CEP350: variants seen among roughly 807,000 people sequenced by gnomAD.
The protein encoded by CEP350 is centrosome-associated protein 350.
A neutral mutation model predicts 331.8 loss-of-function variants in CEP350; 126 were observed. The observed-to-expected ratio is 0.38, with a 90% CI of 0.33 to 0.44. CEP350 has a LOEUF of 0.44. Among genes scored for constraint, CEP350 ranks in the 20% least tolerant of loss-of-function variants. CEP350 has a pLI of 1.00. For synonymous variants in CEP350, 1,200 were observed against 1,259.5 expected, an observed-to-expected ratio of 0.95 and a Z score of 1.00; for missense variants, 3,406 against 3,634.6, an observed-to-expected ratio of 0.94 and a Z score of 1.62.
intron 1 of CEP350, among the ~76,000 whole-genome samples, chr1:179,967,825 A>G (rs562531736): frequency 6.6e-6 from 1 of 152,242 alleles, no homozygotes; most frequent in African/African-American, 2.4e-5. Flanking sequence ...ATGCACACGT[A>G]TACTTATTTT....
chr1:180,035,794 T>C (rs1257617104), intron 16 of CEP350, among the ~76,000 whole-genome samples: 1 of 152,222 alleles, frequency 6.6e-6, no homozygotes, highest in African/African-American at 2.4e-5. Flanking sequence ...AGATTAATGT[T>C]TTTATGTCCC....
intron 21 of CEP350, among the ~76,000 whole-genome samples, chr1:180,048,200 G>A (rs1482537108): frequency 6.6e-6 from 1 of 152,146 alleles, no homozygotes; most frequent in Non-Finnish European, 1.5e-5. Context: ...AAATCGTGAT[G>A]TTAATGAAAA....
chr1:180,005,047 C>T (rs1237385904), intron 7 of CEP350, among the ~76,000 whole-genome samples: 1 of 149,172 alleles, frequency 6.7e-6, no homozygotes, highest in Non-Finnish European at 1.5e-5. Flanking sequence ...CTCTCCAATC[C>T]CCCTCCCTCT....
In CEP350 at chr1:180,096,055, A is replaced by G. The variant is rs1444321358; in HGVS notation, c.8937A>G (p.Thr2979=). The G allele has an allele frequency of 6.4e-7, 1 of 1,552,648 alleles. No homozygotes were observed. The highest frequency in any genetic ancestry group is 1.4e-5 in the African/African-American group (1 of 73,136). ...CTATCAAGGCGGTTTTTGATTTAAC[A>G]AAAGAGATTTTTGAGGAAATATTTG... ...RVYKQAVFDL[T]KEIFEEIFAE... is the part of the protein sequence containing the mutation. Residue 2979 remains threonine, a synonymous_variant, in exon 36 of 38, where the codon ACA becomes ACG. Transcript: ENST00000367607.
rs1307221922 is a variant in CEP350, at chr1:180,043,107, G to T, written c.4414G>T (p.Ala1472Ser). 1.9e-6 allele frequency: 3 copies of T among 1,613,754 alleles called. No homozygotes were observed. In the East Asian group the frequency reaches 6.7e-5, roughly 36 times the overall value. The change falls in exon 20 of 38, where the codon GCT (alanine) becomes TCT (serine). Residue 1472 changes from alanine to serine, a missense_variant. By Grantham distance (99) the Ala-to-Ser change is moderately conservative. Coordinates refer to ENST00000367607, the MANE Select transcript of CEP350 (RefSeq NM_014810.5). ...HISDAVVASG[A>S]PLAILYDHQR... Reference sequence around the variant, plus strand: ...CTCAGATGCTGTCGTGGCTTCAGGAGCTCCCCTTGCAATACTGTATGACCA... The same window carrying T: ...CTCAGATGCTGTCGTGGCTTCAGGATCTCCCCTTGCAATACTGTATGACCA...
intron 1 of CEP350, among the ~76,000 whole-genome samples, chr1:179,984,591 A>G (rs899162823): frequency 2.6e-5 from 4 of 152,218 alleles, no homozygotes; most frequent in African/African-American, 9.6e-5. Flanking sequence ...CACTTTCACC[A>G]CATGTGATAT....
In CEP350 at chr1:180,012,084, C is replaced by T; in HGVS notation, c.1393+9C>T. 6.5e-7 allele frequency: 1 copy of T among 1,535,144 alleles called. No homozygotes were observed. Among genetic ancestry groups the T allele is most frequent in the Admixed American group, 2.2e-5 (1 of 45,748 alleles). ...AAGAACTGCTAAATCTGGTAAGTAG[C>T]TATAATTAAAATAGTTGAGAAAACA... On this transcript the variant is annotated intron_variant, in intron 9 of 37. Coordinates refer to ENST00000367607, the MANE Select transcript of CEP350 (RefSeq NM_014810.5).
At chr1:180,103,649 C>G (rs1053634265) in intron 37 of CEP350, among the ~76,000 whole-genome samples, 1 of 151,896 alleles carries the variant, frequency 6.6e-6, no homozygotes, top group Admixed American at 6.6e-5. Context: ...CTTTAGACTC[C>G]TTGTGCTTAT....
chr1:180,068,352 A>T (rs978403549), intron 27 of CEP350, among the ~76,000 whole-genome samples: 1 of 152,166 alleles, frequency 6.6e-6, no homozygotes, highest in South Asian at 2.1e-4. Context: ...TCAGTATAGT[A>T]AAAAGCAAAA....
At chr1:180,087,032 T>C (rs1259188156) in intron 31 of CEP350, 1 of 152,350 alleles carries the variant, frequency 6.6e-6, no homozygotes, top group African/African-American at 2.4e-5. Context: ...AATCCCCTTA[T>C]ATTTCATACA....
At chr1:180,038,269 C>T (rs1656505752) in intron 17 of CEP350, among the ~76,000 whole-genome samples, 1 of 152,024 alleles carries the variant, frequency 6.6e-6, no homozygotes, top group South Asian at 2.1e-4. Context: ...CCATTAATAT[C>T]ACAATTTGTT....
intron 1 of CEP350, among the ~76,000 whole-genome samples, chr1:179,966,048 C>G (rs1273965812): frequency 6.6e-6 from 1 of 152,076 alleles, no homozygotes; most frequent in East Asian, 1.9e-4. Context: ...AAAAATAGAT[C>G]TGAAAAAGGA....
intron 37 of CEP350, among the ~76,000 whole-genome samples, chr1:180,106,241 T>C (rs924134777): frequency 1.8e-4 from 27 of 152,218 alleles, no homozygotes; most frequent in Non-Finnish European, 1.5e-4. Context: ...GAGTCTCCTT[T>C]ATAGCCTGGG....
chr1:180,051,263 G>C (rs1407719754), intron 22 of CEP350, among the ~76,000 whole-genome samples: 1 of 152,122 alleles, frequency 6.6e-6, no homozygotes, highest in Non-Finnish European at 1.5e-5. Flanking sequence ...CGCTCTACCA[G>C]ACCTCCGCTC....
chr1:180,011,469 C>T (rs1483819500), intron 8 of CEP350, among the ~76,000 whole-genome samples: 3 of 152,068 alleles, frequency 2.0e-5, no homozygotes, highest in Non-Finnish European at 2.9e-5. Context: ...GAGATGGAGT[C>T]TTGCTCTGTC....
intron 1 of CEP350, chr1:179,969,430 C>A: frequency 2.0e-6 from 1 of 501,634 alleles, no homozygotes; most frequent in East Asian, 5.6e-5. Context: ...CTACTAAAGA[C>A]TGGAGTGCTC....
chr1:180,019,403 A>T (rs1571875796), intron 11 of CEP350, among the ~76,000 whole-genome samples: 1 of 152,180 alleles, frequency 6.6e-6, no homozygotes, highest in African/African-American at 2.4e-5. Flanking sequence ...ATTTTTTACA[A>T]GTATTAATAG....
At chr1:180,004,906 G>GCTTGCTTGCTTGCTTGCTTGCTTT (rs1363516834) in intron 7 of CEP350, among the ~76,000 whole-genome samples, 18 of 130,890 alleles carry the variant, frequency 1.4e-4, no homozygotes, top group African/African-American at 4.3e-4. Context: ...TTGCTTGCTT[G>GCTTGCTTGCTTGCTTGCTTGCTTT]CTTTCTTTCT....
chr1:179,960,879 A>G (rs1269628548), intron 1 of CEP350, among the ~76,000 whole-genome samples: 3 of 152,184 alleles, frequency 2.0e-5, no homozygotes, highest in Non-Finnish European at 4.4e-5. Context: ...ACTACTTAGT[A>G]AATGGAACTG....
Sources: allele counts gnomAD v4.1 joint callset (sites outside exome capture counted in the v4.1 genomes callset), GRCh38; gene constraint gnomAD v4.1.1; transcripts MANE v1.5; gene names NCBI Gene and HGNC (gene_info 2026-07-23, HGNC 2026-07-21).